COL22A1: variants seen among roughly 807,000 people sequenced by gnomAD.
COL22A1 encodes the protein collagen alpha-1(XXII) chain.
In COL22A1, 221 loss-of-function variants were observed where a neutral mutation model predicts 248.9. That is an observed-to-expected ratio of 0.89 (90% CI 0.80 to 0.99). The LOEUF is 0.99. COL22A1 is among the 50% of genes least tolerant of loss of function. The pLI is 0.00. For synonymous variants in COL22A1, 891 were observed against 793.4 expected (o/e 1.12, Z -2.07); for missense variants, 2,240 against 2,179.0 (o/e 1.03, Z -0.56).
intron 4 of COL22A1, among the ~76,000 whole-genome samples, chr8:138,833,750 C>G (rs11776918): frequency 1.3e-5 from 2 of 152,100 alleles, no homozygotes; most frequent in Non-Finnish European, 2.9e-5. Context: ...GGACCTTATA[C>G]GCATTGTCAA....
At chr8:138,878,363 AG>A (rs1371382206) in intron 2 of COL22A1, 47 bp from the exon 3 acceptor site, 14 of 1,431,914 alleles carry the variant, frequency 9.8e-6, no homozygotes, top group Non-Finnish European at 1.3e-5. Flanking sequence ...GGGCATGGAA[AG>A]GACACTGTCC....
chr8:138,645,562 T>C (rs979126993), intron 47 of COL22A1, among the ~76,000 whole-genome samples: 6 of 152,252 alleles, frequency 3.9e-5, no homozygotes, highest in East Asian at 1.9e-4. Flanking sequence ...CTTCAGTTGA[T>C]ACAATATACC....
chr8:138,897,027 C>T (rs948797624), intron 1 of COL22A1, among the ~76,000 whole-genome samples: 1 of 151,890 alleles, frequency 6.6e-6, no homozygotes, highest in African/African-American at 2.4e-5. Context: ...ACATAGGTAA[C>T]CTCATTCCAT....
At chr8:138,694,600 C>T (rs1269398877) in intron 33 of COL22A1, 39 bp from the exon 34 acceptor site, 2 of 1,610,040 alleles carry the variant, frequency 1.2e-6, no homozygotes, top group East Asian at 4.5e-5. Context: ...GCTCATCCTC[C>T]TGGTTCTGAG....
intron 43 of COL22A1, among the ~76,000 whole-genome samples, chr8:138,660,912 A>G (rs1714198703): frequency 6.8e-6 from 1 of 147,722 alleles, no homozygotes; most frequent in African/African-American, 2.6e-5. Flanking sequence ...ACACACATAC[A>G]CAGACACACA....
intron 56 of COL22A1, among the ~76,000 whole-genome samples, chr8:138,610,232 A>G (rs1041877185): frequency 5.3e-5 from 8 of 152,210 alleles, no homozygotes; most frequent in Admixed American, 5.2e-4. Flanking sequence ...TGAATGAATC[A>G]TGTAAATGCA....
At chr8:138,862,398 C>T (rs1586911813) in intron 3 of COL22A1, among the ~76,000 whole-genome samples, 1 of 152,220 alleles carries the variant, frequency 6.6e-6, no homozygotes, top group African/African-American at 2.4e-5. Context: ...CCAGAAGCTG[C>T]GGGGCACTGG....
intron 47 of COL22A1, among the ~76,000 whole-genome samples, chr8:138,643,138 C>T (rs1341931424): frequency 6.6e-6 from 1 of 152,068 alleles, no homozygotes; most frequent in Non-Finnish European, 1.5e-5. Flanking sequence ...AATTACAGGG[C>T]AAGAAGCTTG....
At chr8:138,856,644 CAG>C (rs888830457) in intron 3 of COL22A1, among the ~76,000 whole-genome samples, 4 of 149,290 alleles carry the variant, frequency 2.7e-5, no homozygotes, top group African/African-American at 9.9e-5. Context: ...GAGAAAGAAA[CAG>C]AGACAGAGAC....
intron 4 of COL22A1, among the ~76,000 whole-genome samples, chr8:138,840,235 G>C (rs1186213444): frequency 6.6e-6 from 1 of 152,154 alleles, no homozygotes; most frequent in Admixed American, 6.5e-5. Flanking sequence ...GGCTGGAGCG[G>C]TTTTTCGGGG....
chr8:138,627,459 A>G (rs1014726133), intron 50 of COL22A1, among the ~76,000 whole-genome samples: 1 of 152,182 alleles, frequency 6.6e-6, no homozygotes, highest in Non-Finnish European at 1.5e-5. Flanking sequence ...ACTATATTAG[A>G]CCATTCTCTT....
chr8:138,674,816 G>A (rs372135568), intron 41 of COL22A1, among the ~76,000 whole-genome samples: 1 of 152,246 alleles, frequency 6.6e-6, no homozygotes, highest in Non-Finnish European at 1.5e-5. Context: ...ACATGAAGCA[G>A]CATCCTAACT....
At chr8:138,751,425 T>G (rs1334214063) in intron 22 of COL22A1, 33 bp downstream of exon 22, 1 of 1,552,872 alleles carries the variant, frequency 6.4e-7, no homozygotes, top group Admixed American at 1.7e-5. Flanking sequence ...GTGGGTGAGC[T>G]GAGGAATCAC....
chr8:138,776,276 C>A (rs776795647), intron 15 of COL22A1, among the ~76,000 whole-genome samples: 1 of 152,148 alleles, frequency 6.6e-6, no homozygotes, highest in African/African-American at 2.4e-5. Flanking sequence ...CAGGTCCTCA[C>A]GGCCATAGAT....
chr8:138,780,895 T>A, intron 13 of COL22A1, 32 bp downstream of exon 13: 1 of 1,595,006 alleles, frequency 6.3e-7, no homozygotes. Context: ...TAGTACTGCC[T>A]TGTGAGCCAG....
chr8:138,650,725 G>C (rs72727847), intron 45 of COL22A1, among the ~76,000 whole-genome samples: 4,830 of 150,386 alleles, frequency 0.032, 198 homozygotes, highest in East Asian at 0.17. Context: ...TAGACAGATA[G>C]ACAGATACAC....
intron 22 of COL22A1, among the ~76,000 whole-genome samples, chr8:138,749,609 G>A (rs1832420415): frequency 6.6e-6 from 1 of 152,212 alleles, no homozygotes; most frequent in Non-Finnish European, 1.5e-5. Flanking sequence ...CCCTTGCTGA[G>A]CACTTTTTCT....
chr8:138,816,165 AAGG>A (rs1409519637), intron 7 of COL22A1, among the ~76,000 whole-genome samples: 2 of 152,156 alleles, frequency 1.3e-5, no homozygotes, highest in African/African-American at 4.8e-5. Context: ...AGGGACAGGG[AAGG>A]AGAAGAAGGA....
intron 1 of COL22A1, among the ~76,000 whole-genome samples, chr8:138,903,898 C>A (rs560140656): frequency 6.6e-6 from 1 of 152,186 alleles, no homozygotes; most frequent in East Asian, 1.9e-4. Flanking sequence ...GTTTGGGGGG[C>A]GCTGACGGCC....
Sources: allele counts gnomAD v4.1 joint callset (sites outside exome capture counted in the v4.1 genomes callset), GRCh38; gene constraint gnomAD v4.1.1; transcripts MANE v1.5; gene names NCBI Gene and HGNC (gene_info 2026-07-23, HGNC 2026-07-21).